GMDS: variants seen among roughly 807,000 people sequenced by gnomAD.
GMDS encodes GDP-mannose 4,6-dehydratase.
In GMDS, 20 loss-of-function variants were observed where a neutral mutation model predicts 49.9. The observed-to-expected ratio is 0.40, with a 90% CI of 0.28 to 0.58. The LOEUF is 0.58. Among genes scored for constraint, GMDS ranks in the 20% least tolerant of loss-of-function variants. The probability of loss-of-function intolerance (pLI) is 0.42; values close to 1 mark genes in which losing one functional copy is unlikely to be tolerated. For missense variants in GMDS, 362 were observed against 481.4 expected, an observed-to-expected ratio of 0.75 and a Z score of 2.32; for synonymous variants, 177 against 178.6, an observed-to-expected ratio of 0.99 and a Z score of 0.07.
chr6:1,625,709 G>C (rs1420459587), intron 9 of GMDS, among the ~76,000 whole-genome samples: 2 of 152,208 alleles, frequency 1.3e-5, no homozygotes, highest in Admixed American at 1.3e-4. Flanking sequence ...AAGGAGGAAA[G>C]GAGAAAGGGA....
At chr6:1,789,970 C>G (rs1429289287) in intron 7 of GMDS, among the ~76,000 whole-genome samples, 5 of 152,168 alleles carry the variant, frequency 3.3e-5, no homozygotes, top group African/African-American at 7.2e-5. Context: ...GTGATCCACT[C>G]TGGTATATTC....
rs138579068 is a variant in GMDS, at chr6:1,874,473, G to A, written c.771+55630C>T. 4.6e-3 allele frequency among the ~76,000 whole-genome samples: 706 copies of A among 152,192 alleles called. 4 individuals carry two copies. The highest frequency in any genetic ancestry group is 0.012 in the South Asian group (57 of 4,824). On this transcript the variant is annotated intron_variant, in intron 7 of 10. Transcript: ENST00000380815. ...ACTACGTTGGAGTGGTGGAGAGAGA[G>A]GACATGATAGTTTGAAATAACATTA...
At chr6:2,088,563 C>CT (rs767628364) in intron 4 of GMDS, among the ~76,000 whole-genome samples, 5 of 152,118 alleles carry the variant, frequency 3.3e-5, no homozygotes, top group African/African-American at 7.2e-5. Flanking sequence ...CCTGATCTCT[C>CT]TTTTTTATTG....
chr6:2,100,712 T>G (rs1296892049), intron 4 of GMDS, among the ~76,000 whole-genome samples: 8 of 151,972 alleles, frequency 5.3e-5, no homozygotes, highest in Admixed American at 3.9e-4. Flanking sequence ...ATAGAGCTAA[T>G]GTTAAAAAAA....
intron 9 of GMDS, among the ~76,000 whole-genome samples, chr6:1,699,441 T>C (rs1260366380): frequency 1.3e-5 from 2 of 151,900 alleles, no homozygotes. Flanking sequence ...CCTAACACAT[T>C]AACGCAGGTG....
At chr6:1,824,069 C>G (rs1000941518) in intron 7 of GMDS, among the ~76,000 whole-genome samples, 14 of 152,122 alleles carry the variant, frequency 9.2e-5, no homozygotes, top group African/African-American at 3.4e-4. Flanking sequence ...CCCTACCATC[C>G]CTGAGACTCT....
chr6:2,062,155 A>G (rs1771220017), intron 4 of GMDS, among the ~76,000 whole-genome samples: 1 of 152,092 alleles, frequency 6.6e-6, no homozygotes. Flanking sequence ...TCCTGAGGCA[A>G]TTTTCCCATC....
rs549845220 is a variant in GMDS at position 2,094,136 on chromosome 6, G to A, written c.345+21635C>T. Among the ~76,000 whole-genome samples the A allele has an allele frequency of 4.6e-4, 70 of 152,350 alleles. No individual in the cohort carries two copies. The South Asian group carries it at 5.6e-3, about 12-fold the overall frequency. ...GTCGATAAGATTCTACTGGACACAAGAGCTCTCTTCACAAGACTGTCCTGT... is the reference window on the plus strand; with the variant it reads ...GTCGATAAGATTCTACTGGACACAAAAGCTCTCTTCACAAGACTGTCCTGT... On this transcript the variant is annotated intron_variant, in intron 4 of 10. Transcript: ENST00000380815.
chr6:2,113,869 G>A (rs1774695853), intron 4 of GMDS, among the ~76,000 whole-genome samples: 1 of 152,104 alleles, frequency 6.6e-6, no homozygotes, highest in African/African-American at 2.4e-5. Flanking sequence ...AATTCTCACT[G>A]AAGAGTGCCA....
chr6:1,870,225 T>C (rs73417944), intron 7 of GMDS, among the ~76,000 whole-genome samples: 1,578 of 152,306 alleles, frequency 0.01, 22 homozygotes, highest in African/African-American at 0.036. Context: ...CACCCCATGA[T>C]CAATACGGCA....
intron 4 of GMDS, among the ~76,000 whole-genome samples, chr6:1,971,083 A>G (rs1442430485): frequency 2.0e-5 from 3 of 152,102 alleles, no homozygotes; most frequent in African/African-American, 7.2e-5. Context: ...GCAAAAGGAG[A>G]GATAAATGCA....
intron 4 of GMDS, among the ~76,000 whole-genome samples, chr6:2,097,352 G>A (rs1286601916): frequency 6.6e-6 from 1 of 152,110 alleles, no homozygotes; most frequent in Non-Finnish European, 1.5e-5. Flanking sequence ...CACCTATCTA[G>A]GGAAGGAGAT....
At chr6:2,117,064 C>T (rs1214328003) in intron 3 of GMDS, among the ~76,000 whole-genome samples, 1 of 152,142 alleles carries the variant, frequency 6.6e-6, no homozygotes, top group Non-Finnish European at 1.5e-5. Flanking sequence ...CCTATCTTCA[C>T]AAATTATTTT....
At position 2,100,064 on chromosome 6, in the gene GMDS, A is replaced by G. The variant is rs1235853011; in HGVS notation, c.345+15707T>C. Among the ~76,000 whole-genome samples, 6 of 152,080 alleles carry G rather than the reference A, an allele frequency of 3.9e-5. No homozygotes were observed. In the East Asian group the frequency reaches 1.2e-3, roughly 29 times the overall value. ...TCCTATTTTACAGATGGGAAAACTG[A>G]GGCCCAGAGAGACTATGTGTCTTCC... On this transcript the variant is annotated intron_variant, in intron 4 of 10. Coordinates refer to ENST00000380815, the MANE Select transcript of GMDS (RefSeq NM_001500.4).
At chr6:1,835,843 T>C (rs1756898119) in intron 7 of GMDS, among the ~76,000 whole-genome samples, 1 of 151,832 alleles carries the variant, frequency 6.6e-6, no homozygotes, top group Non-Finnish European at 1.5e-5. Context: ...TAGACATTTT[T>C]TTCATTTGCT....
chr6:1,889,317 T>C (rs780290825), intron 7 of GMDS, among the ~76,000 whole-genome samples: 3 of 152,178 alleles, frequency 2.0e-5, no homozygotes, highest in Non-Finnish European at 2.9e-5. Context: ...TCTGTAAACC[T>C]GCCTCTCTTC....
chr6:2,100,234 G>A (rs181155614), intron 4 of GMDS, among the ~76,000 whole-genome samples: 339 of 152,020 alleles, frequency 2.2e-3, no homozygotes, highest in Non-Finnish European at 3.3e-3. Flanking sequence ...AAATCAATGA[G>A]GCTTAAATCA....
intron 1 of GMDS, among the ~76,000 whole-genome samples, chr6:2,206,848 G>A (rs1779829306): frequency 6.6e-6 from 1 of 152,120 alleles, no homozygotes; most frequent in Non-Finnish European, 1.5e-5. Context: ...CAGTACAGAT[G>A]ATATTCCTTA....
At chr6:2,087,069 T>C (rs1773058090) in intron 4 of GMDS, among the ~76,000 whole-genome samples, 1 of 152,196 alleles carries the variant, frequency 6.6e-6, no homozygotes, top group South Asian at 2.1e-4. Context: ...TATGAGTGCC[T>C]TCACCTCCTA....
Sources: gnomAD v4.1 joint callset for allele counts (sites outside exome capture counted in the v4.1 genomes callset) on GRCh38, gnomAD v4.1.1 for gene constraint, MANE v1.5 for transcripts, NCBI Gene and HGNC (gene_info 2026-07-23, HGNC 2026-07-21) for gene names.